The following FHIT variants were observed in gnomAD, a reference collection of about 807,000 sequenced individuals.
The protein encoded by FHIT is fragile histidine triad diadenosine triphosphatase.
FHIT carries 19 observed loss-of-function variants against 17.9 expected under a neutral mutation model. That is an observed-to-expected ratio of 1.06 (90% CI 0.74 to 1.56). The LOEUF is 1.56. Ranked by LOEUF, FHIT falls within the 40% of genes most tolerant of loss-of-function variation. The pLI is 0.00. For missense variants in FHIT, 248 were observed against 189.2 expected (o/e 1.31, Z -1.82); for synonymous variants, 81 against 69.7 (o/e 1.16, Z -0.81).
intron 4 of FHIT, among the ~76,000 whole-genome samples, chr3:60,771,939 C>T (rs1388750377): frequency 6.6e-6 from 1 of 152,154 alleles, no homozygotes; most frequent in Non-Finnish European, 1.5e-5. Context: ...ACAATTTTGG[C>T]TCTCTTCTGC....
intron 1 of FHIT, among the ~76,000 whole-genome samples, chr3:61,249,454 C>T (rs1216178657): frequency 6.6e-6 from 1 of 152,180 alleles, no homozygotes. Context: ...ACAGAGGCAG[C>T]ATGGTATAAT....
At chr3:60,444,122 T>A (rs139027574) in intron 5 of FHIT, among the ~76,000 whole-genome samples, 20 of 152,006 alleles carry the variant, frequency 1.3e-4, no homozygotes, top group African/African-American at 4.8e-4. Context: ...ATCAGAGAAA[T>A]GCAAATCAAA....
At chr3:60,479,431 G>C (rs1473731041) in intron 5 of FHIT, among the ~76,000 whole-genome samples, 1 of 152,122 alleles carries the variant, frequency 6.6e-6, no homozygotes, top group Non-Finnish European at 1.5e-5. Context: ...TATGATGGTG[G>C]TCCTATAAGA....
chr3:61,069,971 G>A (rs986358671), intron 2 of FHIT, among the ~76,000 whole-genome samples: 16 of 152,126 alleles, frequency 1.1e-4, no homozygotes, highest in African/African-American at 3.9e-4. Context: ...GAATGCAGTG[G>A]TGCGATCTCG....
chr3:60,291,327 G>A (rs910171220), intron 5 of FHIT, among the ~76,000 whole-genome samples: 4 of 152,120 alleles, frequency 2.6e-5, no homozygotes, highest in African/African-American at 9.7e-5. Context: ...AAACCGGTTA[G>A]GACTAGGTTT....
At chr3:60,957,233 C>CTTTTTTTTTTTTTTTTTTTTTT (rs35221092) in intron 3 of FHIT, among the ~76,000 whole-genome samples, 1 of 97,142 alleles carries the variant, frequency 1.0e-5, no homozygotes, top group Non-Finnish European at 2.0e-5. Context: ...TTCTTTCTTT[C>CTTTTTTTTTTTTTTTTTTTTTT]TTTTTTTTTT....
rs565094887 is a variant in FHIT, at chr3:61,134,496, G to C, written c.-164+66121C>G. On this transcript the variant is annotated intron_variant, in intron 2 of 9. Transcript: ENST00000492590. ...AGATAGGATCAAGATCAAAGAAAAA[G>C]AGTCTGACTTCAAAAAGCTATGAGA... 4.6e-5 allele frequency among the ~76,000 whole-genome samples: 7 copies of C among 152,236 alleles called. No homozygotes were observed. The East Asian group carries it at 7.7e-4, about 17-fold the overall frequency.
chr3:60,235,126 C>T (rs891391084), intron 5 of FHIT, among the ~76,000 whole-genome samples: 2 of 152,100 alleles, frequency 1.3e-5, no homozygotes, highest in Non-Finnish European at 2.9e-5. Context: ...ATCTTCCTCT[C>T]CCCAAAAACA....
At chr3:60,156,280 G>T (rs1304981998) in intron 5 of FHIT, among the ~76,000 whole-genome samples, 1 of 151,588 alleles carries the variant, frequency 6.6e-6, no homozygotes, top group African/African-American at 2.4e-5. Flanking sequence ...AACCCGGGAG[G>T]CAGAGGTTGC....
intron 5 of FHIT, among the ~76,000 whole-genome samples, chr3:60,053,281 T>C (rs1701956033): frequency 6.6e-6 from 1 of 151,180 alleles, no homozygotes; most frequent in African/African-American, 2.4e-5. Context: ...TATATATATG[T>C]CAGTCCATAA....
At chr3:60,570,483 C>G (rs1189093351) in intron 4 of FHIT, among the ~76,000 whole-genome samples, 1 of 152,034 alleles carries the variant, frequency 6.6e-6, no homozygotes, top group Non-Finnish European at 1.5e-5. Context: ...TGTAACTTAT[C>G]TAACACATTT....
chr3:59,798,488 C>A (rs975193346), intron 8 of FHIT, among the ~76,000 whole-genome samples: 4 of 152,172 alleles, frequency 2.6e-5, no homozygotes, highest in Non-Finnish European at 5.9e-5. Flanking sequence ...TGCTTGGGTA[C>A]CTACAACTCT....
rs547317596 is a variant in FHIT at position 60,375,497 on chromosome 3, C to T, written c.103+161363G>A. Among the ~76,000 whole-genome samples, 4 of 152,156 alleles carry T rather than the reference C, an allele frequency of 2.6e-5. No homozygotes were observed. In the South Asian group the frequency reaches 8.3e-4, roughly 32 times the overall value. The stretch of plus-strand genomic sequence containing the variant: ...GGCTGAGGCACAAGAATCTCTTGAA[C>T]CCAAGAGGCAGAGGTTGCAGTGAGC... On this transcript the variant is annotated intron_variant, in intron 5 of 9. Transcript: ENST00000492590.
chr3:60,634,240 A>C (rs2039521217), intron 4 of FHIT, among the ~76,000 whole-genome samples: 1 of 152,120 alleles, frequency 6.6e-6, no homozygotes, highest in Non-Finnish European at 1.5e-5. Context: ...CTCATTTGCT[A>C]TCCTGAACTT....
In FHIT at chr3:59,922,380, C is replaced by A; in HGVS notation, c.314G>T (p.Gly105Val). 6.2e-7 allele frequency: 1 copy of A among 1,613,922 alleles called. No individual in the cohort carries two copies. The highest frequency in any genetic ancestry group is 8.5e-7 in the Non-Finnish European group (1 of 1,179,934). Residue 105 changes from glycine (G) to valine (V), a missense_variant, in exon 8 of 10, where the codon GGA (glycine) becomes GTA (valine). Coordinates refer to ENST00000492590, the MANE Select transcript of FHIT (RefSeq NM_002012.4). The stretch of plus-strand genomic sequence containing the variant: ...GATGCTGTCATTCCTGTGAAAGTCT[C>A]CAGCCTTCCTGGGAAGAACATGGAC... ...VHVHVLPRKA[G>V]DFHRNDSIYE...
intron 2 of FHIT, among the ~76,000 whole-genome samples, chr3:61,094,947 T>G (rs2035593908): frequency 6.6e-6 from 1 of 152,188 alleles, no homozygotes; most frequent in Non-Finnish European, 1.5e-5. Context: ...TTAATATTTT[T>G]GGACCACAGT....
intron 3 of FHIT, among the ~76,000 whole-genome samples, chr3:60,859,961 T>C (rs1203287311): frequency 2.0e-5 from 3 of 149,932 alleles, no homozygotes; most frequent in African/African-American, 7.4e-5. Context: ...GGAGAATTGC[T>C]TGAACCTGGG....
At chr3:59,911,867 A>G (rs547752957) in intron 8 of FHIT, among the ~76,000 whole-genome samples, 30 of 152,266 alleles carry the variant, frequency 2.0e-4, no homozygotes, top group Non-Finnish European at 3.2e-4. Context: ...CTCAACAGTC[A>G]TTTCTTGACA....
chr3:59,903,468 G>C (rs905325681), intron 8 of FHIT, among the ~76,000 whole-genome samples: 1 of 152,172 alleles, frequency 6.6e-6, no homozygotes, highest in South Asian at 2.1e-4. Flanking sequence ...TTACTATATG[G>C]AAAGTTCTTA....
Sources: allele counts gnomAD v4.1 joint callset (sites outside exome capture counted in the v4.1 genomes callset), GRCh38; gene constraint gnomAD v4.1.1; transcripts MANE v1.5; gene names NCBI Gene and HGNC (gene_info 2026-07-23, HGNC 2026-07-21).